The following EYA3 variants were observed in gnomAD, a reference collection of about 807,000 sequenced individuals.
The protein encoded by EYA3 is EYA transcriptional coactivator and phosphatase 3.
Under a neutral mutation model 80.0 loss-of-function variants are expected in EYA3, and 39 were observed. That is an observed-to-expected ratio of 0.49 (90% confidence interval 0.38 to 0.64). The LOEUF (loss-of-function observed/expected upper bound fraction) is 0.64. Ranked by LOEUF, EYA3 falls within the 30% of genes least tolerant of loss-of-function variation. EYA3 has a pLI of 0.00. For missense variants in EYA3, 523 were observed against 676.1 expected (o/e 0.77, Z 2.51); for synonymous variants, 206 against 232.8 (o/e 0.88, Z 1.05).
At chr1:28,070,639 A>G (rs1464465415) in intron 1 of EYA3, among the ~76,000 whole-genome samples, 1 of 152,204 alleles carries the variant, frequency 6.6e-6, no homozygotes, top group Admixed American at 6.5e-5. Context: ...GCTTCCAGAC[A>G]TTAAAAATAA....
intron 1 of EYA3, among the ~76,000 whole-genome samples, chr1:28,067,002 T>C (rs913734896): frequency 6.6e-6 from 1 of 152,082 alleles, no homozygotes; most frequent in Non-Finnish European, 1.5e-5. Flanking sequence ...CATATTAAGC[T>C]ACCAAAAAAA....
intron 7 of EYA3, 143 bp downstream of exon 7, chr1:28,027,646 A>G (rs1346729481): frequency 9.3e-7 from 1 of 1,076,626 alleles, no homozygotes. Context: ...AAAAGCATGC[A>G]CAAATCCAAG....
chr1:28,057,986 ATACT>A lies in EYA3; in HGVS notation c.33+4_33+7del. On this transcript the variant is annotated splice_donor_5th_base_variant and intron_variant, in intron 2 of 17. Transcript: ENST00000373871. Reference sequence around the variant, plus strand: ...AATCAACTTTAAACTGTTAAAGGAAATACTTACTGGTTGCTCTGGTAAATCTTGC... The same window carrying A: ...AATCAACTTTAAACTGTTAAAGGAAATACTGGTTGCTCTGGTAAATCTTGC... 1.9e-6 allele frequency: 3 copies of A among 1,565,572 alleles called. No homozygotes were observed. The highest frequency in any genetic ancestry group is 2.3e-5 in the East Asian group (1 of 44,344).
chr1:28,080,973 C>T (rs921028557), intron 1 of EYA3, among the ~76,000 whole-genome samples: 2 of 151,778 alleles, frequency 1.3e-5, no homozygotes, highest in African/African-American at 4.8e-5. Flanking sequence ...CTAGGCTGGT[C>T]TTGAACTCCT....
intron 10 of EYA3, chr1:28,010,651 G>T: frequency 3.8e-6 from 1 of 260,056 alleles, no homozygotes; most frequent in Non-Finnish European, 7.4e-6. Flanking sequence ...GATTACAGAT[G>T]TAAGCCACCG....
chr1:28,012,421 T>C (rs952314220), intron 9 of EYA3, among the ~76,000 whole-genome samples: 2 of 152,222 alleles, frequency 1.3e-5, no homozygotes, highest in Admixed American at 1.3e-4. Context: ...CACAGAAAAC[T>C]GTTCACTTGT....
intron 17 of EYA3, chr1:27,977,141 T>TA (rs761973813): frequency 1.4e-5 from 20 of 1,420,432 alleles, no homozygotes; most frequent in Non-Finnish European, 1.5e-5. Context: ...CTACACCCAC[T>TA]AGTGTCTTTC....
In EYA3 at chr1:28,073,103, T is replaced by TTCTATATATATATATATA. The variant is rs1447435853; in HGVS notation, c.-68-15010_-68-15009insTATATATATATATATAGA. Among the ~76,000 whole-genome samples the TTCTATATATATATATATA allele has an allele frequency of 6.9e-4, 26 of 37,748 alleles. 4 individuals are homozygous for TTCTATATATATATATATA. Among genetic ancestry groups the TTCTATATATATATATATA allele is most frequent in the African/African-American group, 2.7e-3 (17 of 6,244 alleles). The allele number at this position is 37,748 out of a possible 152,430, so 24.8% of individuals were successfully genotyped here. On this transcript the variant is annotated intron_variant, in intron 1 of 17. Transcript: ENST00000373871. ...ATCCTTTTTGGGATTGATGAAACTA[T>TTCTATATATATATATATA]TATATATATATATATATATATATAT...
intron 1 of EYA3, among the ~76,000 whole-genome samples, chr1:28,078,095 T>C (rs796722965): frequency 1.5e-4 from 23 of 152,104 alleles, no homozygotes; most frequent in African/African-American, 5.5e-4. Flanking sequence ...TAAAGAAAAA[T>C]AAAATAAATA....
At chr1:28,033,181 G>T (rs1270919995) in intron 6 of EYA3, among the ~76,000 whole-genome samples, 1 of 152,094 alleles carries the variant, frequency 6.6e-6, no homozygotes, top group Non-Finnish European at 1.5e-5. Context: ...GCACTAAGAT[G>T]ACACAATGTA....
chr1:28,052,466 C>T (rs994148953), intron 2 of EYA3, among the ~76,000 whole-genome samples: 1 of 152,146 alleles, frequency 6.6e-6, no homozygotes, highest in Non-Finnish European at 1.5e-5. Context: ...ACCACATTTA[C>T]AGTCAAATTA....
Position 28,031,008 on chromosome 1 carries a change from T to C in EYA3, c.362-3082A>G, listed in dbSNP as rs112007688. Among the ~76,000 whole-genome samples the C allele has an allele frequency of 7.7e-3, 1,169 of 152,318 alleles. 10 individuals carry two copies. The highest frequency in any genetic ancestry group is 0.051 in the Middle Eastern group (15 of 294). On this transcript the variant is annotated intron_variant, in intron 6 of 17. Coordinates refer to ENST00000373871, the MANE Select transcript of EYA3 (RefSeq NM_001990.4). Reference sequence around the variant, plus strand: ...GGTAGATTTATAAACATGTTTATTTTTACACTATATGAAAATAATACCTTA... The same window carrying C: ...GGTAGATTTATAAACATGTTTATTTCTACACTATATGAAAATAATACCTTA...
At chr1:27,981,352 TTCCATTAGCCTGATGAG>T (rs1215430820) in intron 16 of EYA3, among the ~76,000 whole-genome samples, 2 of 152,122 alleles carry the variant, frequency 1.3e-5, no homozygotes, top group African/African-American at 4.8e-5. Flanking sequence ...ATGAGATCAT[TTCCATTAGCCTGATGAG>T]CCTGCGGGTG....
chr1:28,052,870 G>A lies in EYA3; in HGVS notation c.34-4444C>T, dbSNP rs1357732404. On this transcript the variant is annotated intron_variant, in intron 2 of 17. Coordinates refer to ENST00000373871, the MANE Select transcript of EYA3 (RefSeq NM_001990.4). ...GGCAGGGAACTACCTGAACCCGGGA[G>A]GTGGAGGTTGCAGTGAGCCGAGATA... Among the ~76,000 whole-genome samples, 35 of 152,164 alleles carry A rather than the reference G, an allele frequency of 2.3e-4. 1 individual carries two copies. Among genetic ancestry groups the A allele is most frequent in the Admixed American group, 2.3e-3 (35 of 15,272 alleles).
At chr1:28,003,726 T>A (rs1162670781) in intron 11 of EYA3, among the ~76,000 whole-genome samples, 1 of 152,120 alleles carries the variant, frequency 6.6e-6, no homozygotes, top group Non-Finnish European at 1.5e-5. Context: ...GATATTTGTA[T>A]AAAATTTATT....
chr1:28,087,678 G>T (rs545879839), intron 1 of EYA3, among the ~76,000 whole-genome samples: 1 of 152,202 alleles, frequency 6.6e-6, no homozygotes, highest in Non-Finnish European at 1.5e-5. Flanking sequence ...AAATATTGGC[G>T]TTTTTGCCTC....
At chr1:27,977,621 C>G (rs553582936) in intron 17 of EYA3, among the ~76,000 whole-genome samples, 1 of 152,142 alleles carries the variant, frequency 6.6e-6, no homozygotes, top group South Asian at 2.1e-4. Context: ...GAGGCCGAGG[C>G]AGGCGGATCA....
chr1:27,989,646 TAGA>T, intron 15 of EYA3, 48 bp downstream of exon 15: 1 of 1,213,136 alleles, frequency 8.2e-7, no homozygotes, highest in Non-Finnish European at 1.2e-6. Flanking sequence ...TGAACTGGAG[TAGA>T]AGAATATGTC....
chr1:28,042,344 C>T (rs557147138), intron 4 of EYA3, among the ~76,000 whole-genome samples: 65 of 152,110 alleles, frequency 4.3e-4, no homozygotes, highest in Non-Finnish European at 7.6e-4. Context: ...AATAAAATCA[C>T]GGCGTGTGAC....
Sources: gnomAD v4.1 joint callset for allele counts (sites outside exome capture counted in the v4.1 genomes callset) on GRCh38, gnomAD v4.1.1 for gene constraint, MANE v1.5 for transcripts, NCBI Gene and HGNC (gene_info 2026-07-23, HGNC 2026-07-21) for gene names.